The following DLG5 variants were observed in gnomAD, a reference collection of about 807,000 sequenced individuals.
DLG5 encodes the protein discs large MAGUK scaffold protein 5.
A neutral mutation model predicts 189.8 loss-of-function variants in DLG5; 48 were observed. That is an observed-to-expected ratio of 0.25 (90% CI 0.20 to 0.32). The LOEUF (loss-of-function observed/expected upper bound fraction) is 0.32. DLG5 is among the 10% of genes least tolerant of loss of function. The probability of loss-of-function intolerance (pLI) is 1.00; values close to 1 mark genes in which losing one functional copy is unlikely to be tolerated. For synonymous variants in DLG5, 1,016 were observed against 1,054.1 expected (o/e 0.96, Z 0.70); for missense variants, 2,160 against 2,544.7 (o/e 0.85, Z 3.25).
At chr10:77,919,584 CTT>C (rs71030919) in intron 1 of DLG5, among the ~76,000 whole-genome samples, 3,729 of 67,400 alleles carry the variant, frequency 0.055, 209 homozygotes, top group African/African-American at 0.17. Context: ...CAGTTCAGGG[CTT>C]TTTTTTTTTT....
chr10:77,828,486 CAAAA>C (rs34839290), intron 13 of DLG5, among the ~76,000 whole-genome samples: 1,226 of 66,432 alleles, frequency 0.018, 18 homozygotes, highest in African/African-American at 0.071. Context: ...GACTCCATAT[CAAAA>C]AAAAAAAAAA....
At chr10:77,808,179 A>G (rs1217543976) in intron 24 of DLG5, among the ~76,000 whole-genome samples, 2 of 152,228 alleles carry the variant, frequency 1.3e-5, no homozygotes, top group African/African-American at 4.8e-5. Flanking sequence ...TGCCCTTGAC[A>G]GCTTATCCAG....
In DLG5 at chr10:77,817,907, G is replaced by C; in HGVS notation, c.3672-18C>G. The C allele has an allele frequency of 1.9e-6, 3 of 1,546,846 alleles. No homozygotes were observed. Among genetic ancestry groups the C allele is most frequent in the Non-Finnish European group, 2.6e-6 (3 of 1,143,110 alleles). ...GCTGGACACTGCGTAAAAACAAGAG[G>C]TGAGGAGTTCGGGAGGAGAACCAGG... On this transcript the variant is annotated intron_variant, in intron 17 of 31. Coordinates refer to ENST00000372391, the MANE Select transcript of DLG5 (RefSeq NM_004747.4).
At chr10:77,879,810 G>A (rs986389729) in intron 1 of DLG5, among the ~76,000 whole-genome samples, 2 of 151,824 alleles carry the variant, frequency 1.3e-5, no homozygotes, top group Non-Finnish European at 2.9e-5. Flanking sequence ...AGGAAAAACA[G>A]ATGGGGGAGG....
In DLG5 at chr10:77,856,725, A is replaced by C. The variant is rs771839121; in HGVS notation, c.536+5T>G. On this transcript the variant is annotated splice_donor_5th_base_variant and intron_variant, in intron 3 of 31. Coordinates refer to ENST00000372391, the MANE Select transcript of DLG5 (RefSeq NM_004747.4). Reference sequence around the variant, plus strand: ...CCTGGGCAGGGGAGACGGCGCAATTACTACCTCTTGTCAAAGGCCGTGCCA... The same window carrying C: ...CCTGGGCAGGGGAGACGGCGCAATTCCTACCTCTTGTCAAAGGCCGTGCCA... The C allele has an allele frequency of 6.2e-7, 1 of 1,611,970 alleles. No individual in the cohort carries two copies. The highest frequency in any genetic ancestry group is 1.7e-5 in the Admixed American group (1 of 59,972).
intron 2 of DLG5, chr10:77,868,186 A>T (rs1433681041): frequency 2.3e-6 from 1 of 440,612 alleles, no homozygotes; most frequent in Admixed American, 2.4e-5. Context: ...GCACTTTGTT[A>T]TAGCAGCCCT....
intron 7 of DLG5, among the ~76,000 whole-genome samples, chr10:77,837,977 C>T (rs1024420663): frequency 4.6e-5 from 7 of 152,190 alleles, no homozygotes; most frequent in Non-Finnish European, 8.8e-5. Flanking sequence ...GGATGGGGCC[C>T]GAGTGTGGAG....
At chr10:77,808,916 G>A (rs1841612190) in intron 24 of DLG5, among the ~76,000 whole-genome samples, 1 of 152,080 alleles carries the variant, frequency 6.6e-6, no homozygotes, top group African/African-American at 2.4e-5. Context: ...CCAACATGAT[G>A]AAACCCCGTC....
intron 1 of DLG5, among the ~76,000 whole-genome samples, chr10:77,886,348 T>C (rs1435471321): frequency 1.3e-5 from 2 of 151,496 alleles, no homozygotes; most frequent in Non-Finnish European, 2.9e-5. Context: ...TAGGGTACCG[T>C]TGTCACTAGA....
At chr10:77,801,174 C>T (rs1431476039) in intron 27 of DLG5, among the ~76,000 whole-genome samples, 4 of 152,178 alleles carry the variant, frequency 2.6e-5, no homozygotes, top group Non-Finnish European at 5.9e-5. Flanking sequence ...CCACACATGA[C>T]AGTTACCAAA....
chr10:77,868,527 C>T (rs1031050333), intron 2 of DLG5: 14 of 263,972 alleles, frequency 5.3e-5, no homozygotes, highest in South Asian at 5.2e-4. Flanking sequence ...GTGAGTCCTT[C>T]GGGCTCAAAA....
chr10:77,793,987 T>C lies in DLG5; in HGVS notation c.5656+21A>G, dbSNP rs761072736. 19 of 1,605,324 alleles carry C rather than the reference T, an allele frequency of 1.2e-5. 1 individual carries two copies. The South Asian group carries it at 2.0e-4, about 17-fold the overall frequency. On this transcript the variant is annotated intron_variant, in intron 31 of 31. Transcript: ENST00000372391. ...TCCTTCCCTGCTGCCTGCTCCCCAC[T>C]CCAGGCCCACGCACACCTACCTGTG...
intron 1 of DLG5, among the ~76,000 whole-genome samples, chr10:77,896,920 T>A (rs1253464021): frequency 6.6e-6 from 1 of 152,124 alleles, no homozygotes. Flanking sequence ...TTGATGGATC[T>A]GAACATTTTC....
intron 20 of DLG5, among the ~76,000 whole-genome samples, chr10:77,814,461 T>TTCTA (rs1279061097): frequency 1.4e-5 from 1 of 70,700 alleles, no homozygotes; most frequent in Non-Finnish European, 3.1e-5. Context: ...TAAAGCATGT[T>TTCTA]TATATATATA....
intron 1 of DLG5, among the ~76,000 whole-genome samples, chr10:77,895,083 C>A (rs760758697): frequency 4.6e-5 from 7 of 152,246 alleles, no homozygotes; most frequent in Non-Finnish European, 1.0e-4. Flanking sequence ...CTGGACTTAA[C>A]CCCAGTCTGA....
At chr10:77,826,316 G>C (rs544836376) in intron 13 of DLG5, among the ~76,000 whole-genome samples, 2 of 152,198 alleles carry the variant, frequency 1.3e-5, no homozygotes, top group Non-Finnish European at 2.9e-5. Context: ...GCAGTTATAT[G>C]CCTTGGGGCA....
intron 2 of DLG5, among the ~76,000 whole-genome samples, chr10:77,858,885 G>C (rs1415075617): frequency 6.6e-6 from 1 of 152,018 alleles, no homozygotes; most frequent in South Asian, 2.1e-4. Context: ...GTGTGTGTGT[G>C]TTTTTTTGAG....
Position 77,811,175 on chromosome 10 carries a change from G to A in DLG5, c.4382C>T (p.Pro1461Leu), listed in dbSNP as rs141477979. The A allele has an allele frequency of 2.7e-5, 43 of 1,613,232 alleles. No individual in the cohort carries two copies. The highest frequency in any genetic ancestry group is 1.1e-4 in the African/African-American group (8 of 74,828). Residue 1461 changes from proline (P) to leucine (L), a missense_variant, in exon 23 of 32, where the codon CCG becomes CTG. This residue lies in a region of DLG5 where 574 missense variants were observed against 644.2 expected (regional missense o/e 0.89). Transcript: ENST00000372391. The stretch of plus-strand genomic sequence containing the variant: ...TGGGTCGATGACAGATGGATGCTCC[G>A]GGGTGGTGGTGCCACTGCCCTGGAG... ...STLQGSGTTT[P>L]EHPSVIDPLM...
At chr10:77,861,006 T>C (rs1844449860) in intron 2 of DLG5, among the ~76,000 whole-genome samples, 1 of 152,240 alleles carries the variant, frequency 6.6e-6, no homozygotes, top group Admixed American at 6.5e-5. Flanking sequence ...CCCTTTCCAT[T>C]ACAAAACAAA....
Sources: gnomAD v4.1 joint callset for allele counts (sites outside exome capture counted in the v4.1 genomes callset) on GRCh38, gnomAD v4.1.1 for gene constraint, gnomAD v4.1.1 regional missense constraint, MANE v1.5 for transcripts, NCBI Gene and HGNC (gene_info 2026-07-23, HGNC 2026-07-21) for gene names.